The following FBXL17 variants were observed in gnomAD, a reference collection of about 807,000 sequenced individuals.
FBXL17 encodes the protein F-box/LRR-repeat protein 17.
In FBXL17, 22 loss-of-function variants were observed where a neutral mutation model predicts 66.2. The observed-to-expected ratio is 0.33, with a 90% CI of 0.24 to 0.47. The LOEUF (loss-of-function observed/expected upper bound fraction) is 0.47, where lower values mean the gene tolerates loss of function less well. FBXL17 is among the 20% of genes least tolerant of loss of function. FBXL17 has a pLI of 1.00. For missense variants in FBXL17, 878 were observed against 948.2 expected (o/e 0.93, Z 0.97); for synonymous variants, 474 against 400.5 (o/e 1.18, Z -2.19).
At chr5:107,914,688 C>T (rs962495250) in intron 7 of FBXL17, among the ~76,000 whole-genome samples, 2 of 152,168 alleles carry the variant, frequency 1.3e-5, no homozygotes, top group African/African-American at 4.8e-5. Flanking sequence ...AGGATTCTTT[C>T]TTTCTTCAGG....
chr5:108,324,874 C>G (rs768666304), intron 4 of FBXL17, among the ~76,000 whole-genome samples: 2 of 151,924 alleles, frequency 1.3e-5, no homozygotes, highest in Non-Finnish European at 2.9e-5. Flanking sequence ...TGAAGTAAGC[C>G]AGTCATGAAA....
intron 6 of FBXL17, among the ~76,000 whole-genome samples, chr5:108,171,733 T>C (rs990475881): frequency 4.6e-5 from 7 of 152,212 alleles, no homozygotes; most frequent in African/African-American, 1.7e-4. Context: ...ACTGCAGGAA[T>C]CTGAAGGCTT....
At chr5:108,236,532 A>G (rs1755611803) in intron 4 of FBXL17, among the ~76,000 whole-genome samples, 1 of 151,926 alleles carries the variant, frequency 6.6e-6, no homozygotes, top group East Asian at 1.9e-4. Context: ...AACCAACAAC[A>G]ACAACCAAAA....
chr5:108,192,678 G>A (rs1753515044), intron 5 of FBXL17, among the ~76,000 whole-genome samples: 1 of 152,266 alleles, frequency 6.6e-6, no homozygotes, highest in East Asian at 1.9e-4. Context: ...TGTAATCCCA[G>A]CTACTCAGGA....
chr5:108,036,853 T>A (rs573419963), intron 6 of FBXL17, among the ~76,000 whole-genome samples: 49 of 152,326 alleles, frequency 3.2e-4, no homozygotes, highest in Middle Eastern at 3.4e-3. Context: ...ATTTTTATTA[T>A]TCAGAATACT....
intron 4 of FBXL17, among the ~76,000 whole-genome samples, chr5:108,253,898 T>C (rs1756465183): frequency 6.6e-6 from 1 of 151,972 alleles, no homozygotes; most frequent in Non-Finnish European, 1.5e-5. Flanking sequence ...GAGACTGGGC[T>C]GAGAGGATCA....
rs533718498 is a variant in FBXL17 at position 108,079,403 on chromosome 5, G to A, written c.1746-58402C>T. Among the ~76,000 whole-genome samples, 5 of 152,086 alleles carry A rather than the reference G, an allele frequency of 3.3e-5. No individual in the cohort carries two copies. In the South Asian group the frequency reaches 6.2e-4, roughly 19 times the overall value. ...TTTTGACATATTTCTGAAATAGGAC[G>A]TCTGAAGATACAATTCCTGACTACT... On this transcript the variant is annotated intron_variant, in intron 6 of 8. Transcript: ENST00000542267.
chr5:108,184,260 C>A (rs1484911717), intron 6 of FBXL17, among the ~76,000 whole-genome samples: 2 of 152,240 alleles, frequency 1.3e-5, no homozygotes, highest in East Asian at 1.9e-4. Context: ...GCCATCTCTA[C>A]TAAAAATACA....
intron 6 of FBXL17, among the ~76,000 whole-genome samples, chr5:108,145,814 G>C (rs1751530507): frequency 7.9e-6 from 1 of 126,094 alleles, no homozygotes; most frequent in Admixed American, 8.1e-5. Context: ...ATTTTCGGTT[G>C]CCTAAACAAT....
Position 108,314,777 on chromosome 5 carries a change from C to T in FBXL17, c.1506+33622G>A, listed in dbSNP as rs149805020. Among the ~76,000 whole-genome samples the T allele has an allele frequency of 1.7e-3, 256 of 151,454 alleles. 4 individuals carry two copies. The East Asian group carries it at 0.043, about 25-fold the overall frequency. On this transcript the variant is annotated intron_variant, in intron 4 of 8. Transcript: ENST00000542267. ...TCCTAAGATTTATACTACTACTATC[C>T]TATGTTTATATAACATTTTATAATT...
intron 4 of FBXL17, among the ~76,000 whole-genome samples, chr5:108,334,082 T>C (rs181284627): frequency 8.3e-4 from 127 of 152,328 alleles, no homozygotes; most frequent in Non-Finnish European, 1.4e-3. Context: ...TTTCCAAATA[T>C]ATAGTGATAA....
chr5:108,241,901 G>C (rs1755869364), intron 4 of FBXL17, among the ~76,000 whole-genome samples: 1 of 152,052 alleles, frequency 6.6e-6, no homozygotes, highest in Non-Finnish European at 1.5e-5. Context: ...TTTTATCCTA[G>C]AATAGTATAT....
chr5:108,305,452 C>T (rs952951933), intron 4 of FBXL17, among the ~76,000 whole-genome samples: 2 of 151,854 alleles, frequency 1.3e-5, no homozygotes, highest in African/African-American at 2.4e-5. Flanking sequence ...CCTGCACATC[C>T]TGCACATGTA....
intron 4 of FBXL17, among the ~76,000 whole-genome samples, chr5:108,267,886 T>C (rs184966203): frequency 1.2e-4 from 18 of 152,226 alleles, no homozygotes; most frequent in Admixed American, 6.6e-4. Flanking sequence ...AAAACCAATG[T>C]TCACGCCTAT....
rs145631588 is a variant in FBXL17 at position 108,237,320 on chromosome 5, T to C, written c.1507-13092A>G. 2.0e-3 allele frequency among the ~76,000 whole-genome samples: 305 copies of C among 152,176 alleles called. 1 individual carries two copies. The highest frequency in any genetic ancestry group is 7.2e-3 in the African/African-American group (300 of 41,510). On this transcript the variant is annotated intron_variant, in intron 4 of 8. Coordinates refer to ENST00000542267, the MANE Select transcript of FBXL17 (RefSeq NM_001163315.3). ...TCTCTGCCTCCAAGAGCAGAGGTAATAGGTTGGGATGTGAAGAGTCCTAGC... is the reference window on the plus strand; with the variant it reads ...TCTCTGCCTCCAAGAGCAGAGGTAACAGGTTGGGATGTGAAGAGTCCTAGC...
intron 4 of FBXL17, among the ~76,000 whole-genome samples, chr5:108,265,008 T>TA (rs1756989843): frequency 1.3e-5 from 2 of 152,044 alleles, no homozygotes; most frequent in Non-Finnish European, 2.9e-5. Flanking sequence ...ATCCATCCTC[T>TA]ATATTAAAAG....
At chr5:108,262,070 A>AT (rs200282593) in intron 4 of FBXL17, among the ~76,000 whole-genome samples, 17,427 of 138,820 alleles carry the variant, frequency 0.13, 1,440 homozygotes, top group Admixed American at 0.16. Flanking sequence ...TTATTTATTT[A>AT]TTTATTTATT....
chr5:107,873,656 T>A (rs1291241900), intron 8 of FBXL17, among the ~76,000 whole-genome samples: 1 of 152,162 alleles, frequency 6.6e-6, no homozygotes, highest in African/African-American at 2.4e-5. Context: ...TGAAGTCAGG[T>A]GATTAAGAGT....
chr5:108,313,199 T>G (rs17161231), intron 4 of FBXL17, among the ~76,000 whole-genome samples: 2,565 of 152,224 alleles, frequency 0.017, 72 homozygotes, highest in African/African-American at 0.056. Context: ...ATGAATGACC[T>G]TTCCAACCAT....
Sources: gnomAD v4.1 joint callset for allele counts (sites outside exome capture counted in the v4.1 genomes callset) on GRCh38, gnomAD v4.1.1 for gene constraint, MANE v1.5 for transcripts, NCBI Gene and HGNC (gene_info 2026-07-23, HGNC 2026-07-21) for gene names.